Variants in OOSP1 observed in about 807,000 individuals in gnomAD.
OOSP1 encodes the protein oocyte secreted protein 1.
In OOSP1, 11 loss-of-function variants were observed where a neutral mutation model predicts 5.7. The observed-to-expected ratio is 1.94, with a 90% CI of 1.22 to 3.20. The LOEUF is 3.20. Among genes scored for constraint, OOSP1 ranks in the 30% most tolerant of loss-of-function variants. OOSP1 has a pLI of 0.00. For synonymous variants in OOSP1, 44 were observed against 20.0 expected (o/e 2.20, Z -3.20); for missense variants, 83 against 54.1 (o/e 1.53, Z -1.67).
At chr11:59,945,393 T>C (rs1411777873) in intron 3 of OOSP1, 127 bp downstream of exon 3, 1 of 696,238 alleles carries the variant, frequency 1.4e-6, no homozygotes, top group African/African-American at 1.8e-5. Flanking sequence ...CAAACCCTAA[T>C]GGGAACACAG....
chr11:59,957,050 C>G, intron 4 of OOSP1, 145 bp from the exon 5 acceptor site: 1 of 381,756 alleles, frequency 2.6e-6, no homozygotes. Flanking sequence ...AACAGATCAT[C>G]TAATTTTAAA....
chr11:59,938,664 G>C (rs536067788), intron 1 of OOSP1, 134 bp downstream of exon 1: 10 of 402,726 alleles, frequency 2.5e-5, no homozygotes, highest in Non-Finnish European at 3.5e-5. Context: ...GCCTCTTTTC[G>C]ATGTGCAATC....
intron 3 of OOSP1, among the ~76,000 whole-genome samples, chr11:59,946,640 A>G (rs1455548045): frequency 3.3e-5 from 5 of 152,196 alleles, no homozygotes; most frequent in African/African-American, 1.2e-4. Flanking sequence ...TCACCAACCA[A>G]ATCAAGTTAT....
chr11:59,947,010 T>C (rs1446379682), intron 3 of OOSP1, among the ~76,000 whole-genome samples: 1 of 151,904 alleles, frequency 6.6e-6, no homozygotes, highest in Non-Finnish European at 1.5e-5. Context: ...AATAAAAAAA[T>C]TTAGAAAATT....
chr11:59,954,560 T>TAAATTCCATGTAATTATTG (rs1250149821), intron 4 of OOSP1, among the ~76,000 whole-genome samples: 1 of 152,122 alleles, frequency 6.6e-6, no homozygotes, highest in Non-Finnish European at 1.5e-5. Context: ...CTAGTAGTTT[T>TAAATTCCATGTAATTATTG]AAATTCCATG....
At chr11:59,955,857 C>G (rs1853989635) in intron 4 of OOSP1, among the ~76,000 whole-genome samples, 1 of 152,126 alleles carries the variant, frequency 6.6e-6, no homozygotes, top group African/African-American at 2.4e-5. Context: ...GGTCTTGACT[C>G]CTGGGCTCAA....
intron 1 of OOSP1, among the ~76,000 whole-genome samples, chr11:59,939,939 T>C (rs1853808368): frequency 6.6e-6 from 1 of 152,292 alleles, no homozygotes; most frequent in Admixed American, 6.5e-5. Context: ...AGAGACTTGC[T>C]ATGTTGCCCA....
At chr11:59,951,604 T>C (rs1408764926) in intron 4 of OOSP1, among the ~76,000 whole-genome samples, 1 of 152,060 alleles carries the variant, frequency 6.6e-6, no homozygotes, top group Non-Finnish European at 1.5e-5. Flanking sequence ...CTGTGATTTT[T>C]CTGGGTGTGG....
At chr11:59,954,913 T>C (rs1035081330) in intron 4 of OOSP1, among the ~76,000 whole-genome samples, 3 of 152,232 alleles carry the variant, frequency 2.0e-5, no homozygotes, top group South Asian at 2.1e-4. Flanking sequence ...TCTTCTTCTT[T>C]TTTTTAACAT....
At chr11:59,943,907 G>C (rs1047602151) in intron 2 of OOSP1, among the ~76,000 whole-genome samples, 5 of 152,052 alleles carry the variant, frequency 3.3e-5, no homozygotes, top group Non-Finnish European at 7.4e-5. Flanking sequence ...CAAATAAAAC[G>C]CTAAAAGAAG....
chr11:59,943,925 A>G (rs1853856367), intron 2 of OOSP1, among the ~76,000 whole-genome samples: 1 of 152,250 alleles, frequency 6.6e-6, no homozygotes, highest in Non-Finnish European at 1.5e-5. Context: ...AAGTAATAGA[A>G]CTTGATCAGG....
At chr11:59,943,393 G>A (rs1382743290) in intron 2 of OOSP1, among the ~76,000 whole-genome samples, 2 of 152,012 alleles carry the variant, frequency 1.3e-5, no homozygotes, top group Non-Finnish European at 2.9e-5. Flanking sequence ...GTGTCTTATG[G>A]TTCCTTCAAC....
chr11:59,953,661 G>T (rs1853961763), intron 4 of OOSP1, among the ~76,000 whole-genome samples: 1 of 152,164 alleles, frequency 6.6e-6, no homozygotes, highest in African/African-American at 2.4e-5. Context: ...AAGAGCAATT[G>T]CTATTTTTCT....
chr11:59,947,338 A>G (rs1853894854), intron 3 of OOSP1, among the ~76,000 whole-genome samples: 1 of 151,660 alleles, frequency 6.6e-6, no homozygotes, highest in Non-Finnish European at 1.5e-5. Context: ...GTTCAGGCCG[A>G]TCTTGAACTT....
At chr11:59,954,200 G>A (rs1057339106) in intron 4 of OOSP1, among the ~76,000 whole-genome samples, 5 of 152,150 alleles carry the variant, frequency 3.3e-5, no homozygotes, top group Non-Finnish European at 5.9e-5. Flanking sequence ...TGGGAACACA[G>A]TCATGTATGT....
intron 4 of OOSP1, among the ~76,000 whole-genome samples, chr11:59,954,653 C>A (rs926031999): frequency 2.6e-5 from 4 of 151,796 alleles, no homozygotes; most frequent in Non-Finnish European, 5.9e-5. Context: ...ATCTATCTAT[C>A]TATCTATCTA....
At chr11:59,955,772 A>G (rs966318673) in intron 4 of OOSP1, among the ~76,000 whole-genome samples, 1 of 152,014 alleles carries the variant, frequency 6.6e-6, no homozygotes, top group African/African-American at 2.4e-5. Context: ...AGCTGGGACT[A>G]CATGCTCACA....
chr11:59,939,194 C>T (rs937977937), intron 1 of OOSP1, among the ~76,000 whole-genome samples: 6 of 151,300 alleles, frequency 4.0e-5, no homozygotes, highest in African/African-American at 9.7e-5. Flanking sequence ...CTTTCTCCCT[C>T]GTTCCCTCCT....
Position 59,942,956 on chromosome 11 carries a change from T to TA in OOSP1, c.186_187insA (p.Val63SerfsTer11), listed in dbSNP as rs1370693166. 1.4e-6 allele frequency: 1 copy of TA among 703,004 alleles called. No homozygotes were observed. Among genetic ancestry groups the TA allele is most frequent in the South Asian group, 1.5e-5 (1 of 67,596 alleles). The allele number at this position is 703,004 out of a possible 1,614,324, so 43.5% of individuals were successfully genotyped here. A position where few individuals can be genotyped will look rare whatever the true frequency, so the allele number is the denominator to read the frequency against. On this transcript the variant is annotated frameshift_variant, in exon 2 of 5. Coordinates refer to ENST00000646685, the Ensembl canonical transcript of OOSP1. LOFTEE classifies it high-confidence loss of function. ...AAGTGTTTCTAGGAGATGGCTGCCA[T>TA]GTAACCCATGTTTTGCCAAATGTCT...
Sources: gnomAD v4.1 joint callset for allele counts (sites outside exome capture counted in the v4.1 genomes callset) on GRCh38, gnomAD v4.1.1 for gene constraint, MANE v1.5 for transcripts, NCBI Gene and HGNC (gene_info 2026-07-23, HGNC 2026-07-21) for gene names.